The following KLHL31 variants were observed in gnomAD, a reference collection of about 807,000 sequenced individuals.
KLHL31 encodes the protein kelch like family member 31, also known as kelch-like protein 31.
KLHL31 carries 32 observed loss-of-function variants against 47.1 expected under a neutral mutation model. The ratio of observed to expected loss-of-function variants is 0.68; its 90% CI spans 0.51 to 0.91. KLHL31 has a LOEUF of 0.91. KLHL31 is among the 40% of genes least tolerant of loss of function. The pLI is 0.00. For missense variants in KLHL31, 797 were observed against 819.3 expected (o/e 0.97, Z 0.33); for synonymous variants, 330 against 325.1 (o/e 1.01, Z -0.16).
intron 2 of KLHL31, 111 bp from the exon 3 acceptor site, chr6:53,652,441 G>GAC: frequency 1.5e-6 from 2 of 1,368,230 alleles, no homozygotes; most frequent in African/African-American, 2.8e-5. Flanking sequence ...AGGAGGCGAG[G>GAC]GACCTGGCCC....
In KLHL31 at chr6:53,654,157, A is replaced by G. The variant is rs1764517578; in HGVS notation, c.1116T>C (p.Gly372=). The change falls in exon 2 of 3, where the codon GGT becomes GGC. Residue 372 remains glycine, a synonymous_variant. Coordinates refer to ENST00000370905, the MANE Select transcript of KLHL31 (RefSeq NM_001003760.5). The part of the protein sequence containing the change: ...VMDGFLYVAG[G]EDQNDARNQA... ...GATTTCTTGCATCATTCTGGTCTTC[A>G]CCACCGGCTACATAAAGAAATCCAT... 1.2e-6 allele frequency: 2 copies of G among 1,613,612 alleles called. No homozygotes were observed. Among genetic ancestry groups the G allele is most frequent in the African/African-American group, 2.7e-5 (2 of 74,906 alleles).
chr6:53,654,777 C>T lies in KLHL31; in HGVS notation c.496G>A (p.Glu166Lys), dbSNP rs182330720. Reference sequence around the variant, plus strand: ...TACATGCAATTCTCAACACTCATCTCCCGTATCAGAAAATCACTGCACATC... The same window carrying T: ...TACATGCAATTCTCAACACTCATCTTCCGTATCAGAAAATCACTGCACATC... ...VKMCSDFLIR[E>K]MSVENCMYVV... The change falls in exon 2 of 3, where the codon GAG becomes AAG. Residue 166 changes from glutamate to lysine, a missense_variant. Physicochemically the swap from Glu to Lys is moderately conservative, Grantham distance 56. Coordinates refer to ENST00000370905, the MANE Select transcript of KLHL31 (RefSeq NM_001003760.5). 1 of 1,614,110 alleles carries T rather than the reference C, an allele frequency of 6.2e-7. No homozygotes were observed. The highest frequency in any genetic ancestry group is 1.1e-5 in the South Asian group (1 of 91,082).
intron 2 of KLHL31, among the ~76,000 whole-genome samples, chr6:53,652,697 T>C (rs1320695279): frequency 2.6e-5 from 4 of 152,178 alleles, no homozygotes; most frequent in Non-Finnish European, 4.4e-5. Flanking sequence ...TGGGGGAGGC[T>C]GGGCATTTGT....
chr6:53,655,594 CTTTT>C (rs1167649334), intron 1 of KLHL31, among the ~76,000 whole-genome samples: 2 of 130,448 alleles, frequency 1.5e-5, no homozygotes, highest in Admixed American at 9.4e-5. Context: ...TTCTTTCTTT[CTTTT>C]TTCTTTTTTT....
chr6:53,656,500 G>C (rs571638926), intron 1 of KLHL31, among the ~76,000 whole-genome samples: 1 of 152,188 alleles, frequency 6.6e-6, no homozygotes, highest in Non-Finnish European at 1.5e-5. Context: ...GTATATGTGT[G>C]TATGTGTGTG....
intron 1 of KLHL31, among the ~76,000 whole-genome samples, chr6:53,664,364 T>TC (rs1764689433): frequency 6.6e-6 from 1 of 152,114 alleles, no homozygotes; most frequent in Admixed American, 6.6e-5. Context: ...AGTCCATGAG[T>TC]CCTGCGGAAT....
At chr6:53,661,417 C>A (rs1353451128) in intron 1 of KLHL31, among the ~76,000 whole-genome samples, 1 of 152,042 alleles carries the variant, frequency 6.6e-6, no homozygotes, top group East Asian at 1.9e-4. Flanking sequence ...ACACACCCAC[C>A]CAGACACACA....
chr6:53,651,256 G>GA lies in KLHL31; in HGVS notation c.*341dup, dbSNP rs541563594. ...ACCTCAAGTGTACTAACGTGTAGAG[G>GA]AAAAAATCTCAAATGTGGGTGTAAC... On this transcript the variant is annotated 3_prime_UTR_variant, in exon 3 of 3. Coordinates refer to ENST00000370905, the MANE Select transcript of KLHL31 (RefSeq NM_001003760.5). The GA allele has an allele frequency of 2.2e-4, 42 of 190,088 alleles. No individual in the cohort carries two copies. In the South Asian group the frequency reaches 3.6e-3, roughly 16 times the overall value. The allele number at this position is 190,088 out of a possible 1,614,324, so 11.8% of individuals were successfully genotyped here.
intron 1 of KLHL31, among the ~76,000 whole-genome samples, chr6:53,658,526 C>T (rs1156974171): frequency 6.6e-6 from 1 of 152,046 alleles, no homozygotes; most frequent in African/African-American, 2.4e-5. Context: ...CAGCAGTCCC[C>T]CTAAGGTACA....
rs762310930 is a variant in KLHL31, at chr6:53,654,508, C to G, written c.765G>C (p.Leu255Phe). The G allele has an allele frequency of 1.5e-5, 25 of 1,614,038 alleles. No individual in the cohort carries two copies. Among genetic ancestry groups the G allele is most frequent in the Non-Finnish European group, 2.1e-5 (25 of 1,180,046 alleles). Residue 255 changes from leucine to phenylalanine, a missense_variant, in exon 2 of 3, where the codon TTG becomes TTC. Transcript: ENST00000370905. ...QKRVKYAADL[L>F]SNIRFGTISA... is the part of the protein sequence containing the mutation. ...AGATGGTACCAAAGCGAATATTGCT[C>G]AAAAGATCTGCAGCGTATTTTACTC...
chr6:53,664,127 T>C (rs1764685804), intron 1 of KLHL31, among the ~76,000 whole-genome samples: 1 of 152,220 alleles, frequency 6.6e-6, no homozygotes, highest in Non-Finnish European at 1.5e-5. Flanking sequence ...ACATGGGATC[T>C]ATATGTCTGG....
Position 53,648,967 on chromosome 6 carries a change from T to G in KLHL31, c.*2631A>C, listed in dbSNP as rs1287931872. The G allele has an allele frequency of 6.6e-6, 1 of 152,150 alleles. No homozygotes were observed. The highest frequency in any genetic ancestry group is 1.5e-5 in the Non-Finnish European group (1 of 67,990). The allele number at this position is 152,150 out of a possible 1,614,324, so 9.4% of individuals were successfully genotyped here. A position where few individuals can be genotyped will look rare whatever the true frequency, so the allele number is the denominator to read the frequency against. ...TCACAGGACTCAGCCGTTACAAAAA[T>G]AACAAGTCATTTTCTTTAATAAAAA... On this transcript the variant is annotated 3_prime_UTR_variant, in exon 3 of 3. Coordinates refer to ENST00000370905, the MANE Select transcript of KLHL31 (RefSeq NM_001003760.5).
rs760022332 is a variant in KLHL31 at position 53,654,295 on chromosome 6, G to A, written c.978C>T (p.Gly326=). ...RVLVTVGGRP[G]LTEKSLSRDI... is the part of the protein sequence containing the mutation. ...CTCTGCTAAGGGACTTCTCAGTAAG[G>A]CCTGGGCGTCCCCCAACAGTGACGA... The change falls in exon 2 of 3, where the codon GGC becomes GGT. Residue 326 remains glycine, a synonymous_variant. Coordinates refer to ENST00000370905, the MANE Select transcript of KLHL31 (RefSeq NM_001003760.5). 40 of 1,614,056 alleles carry A rather than the reference G, an allele frequency of 2.5e-5. 1 individual carries two copies. The highest frequency in any genetic ancestry group is 2.7e-5 in the Non-Finnish European group (32 of 1,180,036).
chr6:53,659,443 T>C (rs985534264), intron 1 of KLHL31, among the ~76,000 whole-genome samples: 1 of 152,198 alleles, frequency 6.6e-6, no homozygotes, highest in Admixed American at 6.5e-5. Context: ...CAAGAGTACA[T>C]GGAACAGATT....
Position 53,648,190 on chromosome 6 carries a change from T to C in KLHL31, c.*3408A>G, listed in dbSNP as rs1405103509. On this transcript the variant is annotated 3_prime_UTR_variant, in exon 3 of 3. Transcript: ENST00000370905. ...AATATTTTAGATTGTTTAATTCTTA[T>C]AATTACGAATAAAGGACTGTTTGGA... 2 of 152,780 alleles carry C rather than the reference T, an allele frequency of 1.3e-5. No homozygotes were observed. Among genetic ancestry groups the C allele is most frequent in the Middle Eastern group, 3.4e-3 (1 of 294 alleles). The allele number at this position is 152,780 out of a possible 1,614,324, so 9.5% of individuals were successfully genotyped here. A position where few individuals can be genotyped will look rare whatever the true frequency, so the allele number is the denominator to read the frequency against.
Position 53,654,257 on chromosome 6 carries a change from C to T in KLHL31, c.1016G>A (p.Arg339Lys), listed in dbSNP as rs973502624. 5 of 1,614,170 alleles carry T rather than the reference C, an allele frequency of 3.1e-6. No homozygotes were observed. Among genetic ancestry groups the T allele is most frequent in the Non-Finnish European group, 3.4e-6 (4 of 1,180,022 alleles). Residue 339 changes from arginine to lysine, a missense_variant, in exon 2 of 3, where the codon AGA (arginine) becomes AAA (lysine). Physicochemically the swap from Arg to Lys is conservative, Grantham distance 26. Coordinates refer to ENST00000370905, the MANE Select transcript of KLHL31 (RefSeq NM_001003760.5). ...CTTGCTCCATCCATTTTCAGGGTCT[C>T]TATACAAGATGTCTCTGCTAAGGGA... ...EKSLSRDILYRDPENGWSKLT... is the reference protein window; with the variant it reads ...EKSLSRDILYKDPENGWSKLT...
At position 53,657,610 on chromosome 6, in the gene KLHL31, TTGTGTGTGTGTGTG is replaced by T. The variant is rs57566339; in HGVS notation, c.-33-2319_-33-2306del. Among the ~76,000 whole-genome samples, 48 of 138,804 alleles carry T rather than the reference TTGTGTGTGTGTGTG, an allele frequency of 3.5e-4. 1 individual carries two copies. Among genetic ancestry groups the T allele is most frequent in the East Asian group, 8.7e-4 (4 of 4,584 alleles). 91.1% of individuals were successfully genotyped at this position (138,804 alleles called of 152,430 possible). ...TGGTTTACAATTTTTTGTTTTTGTT[TTGTGTGTGTGTGTG>T]TGTGTGTGTGTGTGTGTGTGTGTGT... On this transcript the variant is annotated intron_variant, in intron 1 of 2. Transcript: ENST00000370905.
intron 1 of KLHL31, among the ~76,000 whole-genome samples, chr6:53,659,662 A>G (rs1049686625): frequency 6.6e-6 from 1 of 152,190 alleles, no homozygotes; most frequent in Admixed American, 6.5e-5. Flanking sequence ...TGTCACATGC[A>G]TTCAGAGATG....
intron 2 of KLHL31, among the ~76,000 whole-genome samples, chr6:53,653,631 A>C (rs1178616359): frequency 6.6e-6 from 1 of 152,188 alleles, no homozygotes; most frequent in African/African-American, 2.4e-5. Context: ...TAATGATCTC[A>C]TTCTATTTGC....
Sources: allele counts gnomAD v4.1 joint callset (sites outside exome capture counted in the v4.1 genomes callset), GRCh38; gene constraint gnomAD v4.1.1; transcripts MANE v1.5; gene names NCBI Gene and HGNC (gene_info 2026-07-23, HGNC 2026-07-21).